Variants in TMEM144 observed in about 807,000 individuals in gnomAD.
TMEM144 encodes the protein transmembrane protein 144.
TMEM144 carries 39 observed loss-of-function variants against 43.6 expected under a neutral mutation model. The observed-to-expected ratio is 0.90, with a 90% CI of 0.69 to 1.17. The LOEUF (loss-of-function observed/expected upper bound fraction) is 1.17, where lower values mean the gene tolerates loss of function less well. Ranked by LOEUF, TMEM144 falls within the 50% of genes most tolerant of loss-of-function variation. The pLI, the probability that TMEM144 is intolerant of heterozygous loss-of-function variation, is 0.00. For synonymous variants in TMEM144, 154 were observed against 133.6 expected, an observed-to-expected ratio of 1.15 and a Z score of -1.06; for missense variants, 417 against 411.9, an observed-to-expected ratio of 1.01 and a Z score of -0.11.
In TMEM144 at chr4:158,255,044, G is replaced by A. The variant is rs900527755; in HGVS notation, c.*1517G>A. ...TTATTATTATGTGTTGTTTGAAGGG[G>A]AAAAAAGTTTTTGTAGATTGGAGAA... On this transcript the variant is annotated 3_prime_UTR_variant, in exon 13 of 13. Coordinates refer to ENST00000296529, the MANE Select transcript of TMEM144 (RefSeq NM_018342.5). 2.0e-5 allele frequency: 3 copies of A among 152,080 alleles called. No homozygotes were observed. The highest frequency in any genetic ancestry group is 4.4e-5 in the Non-Finnish European group (3 of 68,002). The allele number at this position is 152,080 out of a possible 1,614,324, so 9.4% of individuals were successfully genotyped here. A position where few individuals can be genotyped will look rare whatever the true frequency, so the allele number is the denominator to read the frequency against.
chr4:158,235,891 G>GCACCCA (rs1735319873), intron 8 of TMEM144, among the ~76,000 whole-genome samples: 1 of 152,112 alleles, frequency 6.6e-6, no homozygotes, highest in African/African-American at 2.4e-5. Context: ...ACCCTGCTCT[G>GCACCCA]GGAATCCCCA....
chr4:158,247,728 A>T (rs576098719), intron 12 of TMEM144, among the ~76,000 whole-genome samples: 18 of 152,238 alleles, frequency 1.2e-4, no homozygotes, highest in Non-Finnish European at 2.2e-4. Context: ...TGCTACAAAC[A>T]TGTACTAGAG....
At position 158,235,096 on chromosome 4, in the gene TMEM144, A is replaced by G. The variant is rs866442381; in HGVS notation, c.496-342A>G. ...TGCTCATTGATCTTAAGCATTCCAT[A>G]GGAGGAGAGTCTAATTTCCTTACAG... On this transcript the variant is annotated intron_variant, in intron 7 of 12. Transcript: ENST00000296529. 9 of 179,902 alleles carry G rather than the reference A, an allele frequency of 5.0e-5. No homozygotes were observed. The Middle Eastern group carries it at 7.2e-3, about 145-fold the overall frequency. The allele number at this position is 179,902 out of a possible 1,614,324, so 11.1% of individuals were successfully genotyped here.
intron 12 of TMEM144, among the ~76,000 whole-genome samples, chr4:158,248,514 T>A (rs143987101): frequency 7.8e-4 from 119 of 152,300 alleles, no homozygotes; most frequent in African/African-American, 2.8e-3. Context: ...ACTTATTCAA[T>A]GCAGACACCT....
intron 6 of TMEM144, among the ~76,000 whole-genome samples, chr4:158,224,292 G>A (rs1353117638): frequency 6.6e-6 from 1 of 152,040 alleles, no homozygotes; most frequent in African/African-American, 2.4e-5. Flanking sequence ...TAAGTTCCTT[G>A]TAAATTCTGG....
intron 6 of TMEM144, among the ~76,000 whole-genome samples, chr4:158,227,492 A>G (rs2090421151): frequency 6.6e-6 from 1 of 152,164 alleles, no homozygotes; most frequent in African/African-American, 2.4e-5. Context: ...TTTGGCTTTT[A>G]AAGGAATAAG....
intron 7 of TMEM144, chr4:158,235,217 G>C (rs1735280581): frequency 6.4e-6 from 3 of 468,042 alleles, no homozygotes; most frequent in Admixed American, 3.5e-5. Flanking sequence ...TTAAATGTGA[G>C]AATTTGAAAT....
chr4:158,235,344 T>C, intron 7 of TMEM144, 94 bp from the exon 8 acceptor site: 1 of 1,297,104 alleles, frequency 7.7e-7, no homozygotes, highest in Admixed American at 1.9e-5. Context: ...AAAGCATGTT[T>C]GAAAGAGAAG....
At chr4:158,220,132 AG>A (rs1305410789) in intron 6 of TMEM144, among the ~76,000 whole-genome samples, 1 of 152,202 alleles carries the variant, frequency 6.6e-6, no homozygotes, top group Non-Finnish European at 1.5e-5. Flanking sequence ...TCTTAGGGAA[AG>A]AACAGTATAT....
Position 158,217,334 on chromosome 4 carries a change from T to C in TMEM144, c.246T>C (p.Val82=). The C allele has an allele frequency of 1.2e-6, 2 of 1,611,612 alleles. No individual in the cohort carries two copies. Among genetic ancestry groups the C allele is most frequent in the Non-Finnish European group, 1.7e-6 (2 of 1,178,050 alleles). ...TTACATCTACAGGGAACATTGCTGTTGTCCCAATTATCAAAACCATTGGTT... is the reference window on the plus strand; with the variant it reads ...TTACATCTACAGGGAACATTGCTGTCGTCCCAATTATCAAAACCATTGGTT... ...GCIWATGNIA[V]VPIIKTIGLG... is the part of the protein sequence containing the mutation. Residue 82 remains valine (V), a synonymous_variant, in exon 5 of 13, where the codon GTT becomes GTC. Transcript: ENST00000296529.
At chr4:158,235,313 G>T in intron 7 of TMEM144, 125 bp from the exon 8 acceptor site, 1 of 937,672 alleles carries the variant, frequency 1.1e-6, no homozygotes, top group Non-Finnish European at 1.6e-6. Flanking sequence ...GAATGCATAG[G>T]TGACATGTTT....
intron 6 of TMEM144, among the ~76,000 whole-genome samples, chr4:158,230,913 G>C (rs968280033): frequency 4.6e-5 from 7 of 152,064 alleles, no homozygotes; most frequent in African/African-American, 1.4e-4. Context: ...AAGACCCAAA[G>C]ACCCAGGGAA....
intron 3 of TMEM144, 72 bp downstream of exon 3, chr4:158,212,848 A>G (rs1734028243): frequency 8.5e-7 from 1 of 1,170,850 alleles, no homozygotes; most frequent in Middle Eastern, 2.5e-4. Flanking sequence ...GTCTTTTAAA[A>G]GTATAGCTAC....
intron 5 of TMEM144, among the ~76,000 whole-genome samples, chr4:158,218,840 T>C (rs1357143272): frequency 1.3e-5 from 2 of 152,136 alleles, no homozygotes; most frequent in African/African-American, 4.8e-5. Flanking sequence ...ATTTTAAACA[T>C]GGGAGGCTGG....
chr4:158,252,685 G>A (rs1736265885), intron 12 of TMEM144, among the ~76,000 whole-genome samples: 1 of 151,780 alleles, frequency 6.6e-6, no homozygotes, highest in Non-Finnish European at 1.5e-5. Context: ...ATGCATGCCT[G>A]TAATCCCAGC....
chr4:158,220,508 G>A (rs1424672496), intron 6 of TMEM144, among the ~76,000 whole-genome samples: 1 of 152,100 alleles, frequency 6.6e-6, no homozygotes, highest in African/African-American at 2.4e-5. Flanking sequence ...CTCTAAAATT[G>A]CAAATCAATT....
At chr4:158,243,187 G>A (rs1579146376) in intron 11 of TMEM144, among the ~76,000 whole-genome samples, 1 of 152,112 alleles carries the variant, frequency 6.6e-6, no homozygotes, top group Non-Finnish European at 1.5e-5. Flanking sequence ...CTCTCATTCT[G>A]TTGAAAGTCA....
intron 6 of TMEM144, among the ~76,000 whole-genome samples, chr4:158,226,721 T>C (rs533027115): frequency 6.6e-6 from 1 of 152,280 alleles, no homozygotes; most frequent in Non-Finnish European, 1.5e-5. Flanking sequence ...TTTATAACAT[T>C]TTTATAACAT....
intron 6 of TMEM144, among the ~76,000 whole-genome samples, chr4:158,225,300 G>A (rs763007642): frequency 5.3e-5 from 8 of 152,106 alleles, no homozygotes; most frequent in Admixed American, 6.5e-5. Flanking sequence ...TTTCTGACAC[G>A]TAGGGTGTAA....
Sources: allele counts gnomAD v4.1 joint callset (sites outside exome capture counted in the v4.1 genomes callset), GRCh38; gene constraint gnomAD v4.1.1; transcripts MANE v1.5; gene names NCBI Gene and HGNC (gene_info 2026-07-23, HGNC 2026-07-21).